The following DMD variants were observed in gnomAD, a reference collection of about 807,000 sequenced individuals.
DMD encodes the protein mutant dystrophin.
In DMD, 63 loss-of-function variants were observed where a neutral mutation model predicts 330.1. The observed-to-expected ratio is 0.19, with a 90% CI of 0.16 to 0.24. The LOEUF (loss-of-function observed/expected upper bound fraction) is 0.24. Ranked by LOEUF, DMD falls within the 10% of genes least tolerant of loss-of-function variation. The pLI is 1.00. For synonymous variants in DMD, 1,223 were observed against 959.8 expected, an observed-to-expected ratio of 1.27 and a Z score of -5.07; for missense variants, 3,344 against 2,684.1, an observed-to-expected ratio of 1.25 and a Z score of -5.43.
Position 32,451,569 on chromosome X carries a change from G to A in DMD, c.3604-2931C>T, listed in dbSNP as rs773303835. 5.5e-5 allele frequency among the ~76,000 whole-genome samples: 6 copies of A among 110,008 alleles called. No homozygotes were observed. In the East Asian group the frequency reaches 1.7e-3, roughly 32 times the overall value. On this transcript the variant is annotated intron_variant, in intron 26 of 78. Coordinates refer to ENST00000357033, the MANE Select transcript of DMD (RefSeq NM_004006.3). ...TATGTCAAAAAAACTTTCCTTTTCA[G>A]GGGAAAAATAAGTTATTAAAACAGC...
At chrX:32,835,216 C>T (rs187670708) in intron 4 of DMD, among the ~76,000 whole-genome samples, 1 of 111,943 alleles carries the variant, frequency 8.9e-6, no homozygotes, top group African/African-American at 3.2e-5. Flanking sequence ...ATGAAAGGCA[C>T]TACTTACAAA....
At chrX:33,330,552 G>C (rs750772488) in intron 1 of DMD, among the ~76,000 whole-genome samples, 19 of 111,511 alleles carry the variant, frequency 1.7e-4, no homozygotes, top group Non-Finnish European at 2.8e-4. Flanking sequence ...AAGTTTCCAG[G>C]GATAGACGTA....
At chrX:32,122,203 C>T (rs747170504) in intron 44 of DMD, among the ~76,000 whole-genome samples, 1 of 111,750 alleles carries the variant, frequency 8.9e-6, no homozygotes, top group South Asian at 3.7e-4. Flanking sequence ...TTTCCTATAG[C>T]GTAGCTAAAG....
At chrX:31,307,100 A>G (rs1229973854) in intron 62 of DMD, among the ~76,000 whole-genome samples, 5 of 111,243 alleles carry the variant, frequency 4.5e-5, no homozygotes, top group African/African-American at 1.6e-4. Context: ...TACACGTTCT[A>G]TTACACATCA....
chrX:32,599,935 G>C (rs755975096), intron 12 of DMD, among the ~76,000 whole-genome samples: 1 of 111,846 alleles, frequency 8.9e-6, no homozygotes, highest in South Asian at 3.7e-4. Flanking sequence ...CAAGAGAAAA[G>C]GCCAACAGTG....
intron 7 of DMD, among the ~76,000 whole-genome samples, chrX:32,716,024 A>T (rs1332407103): frequency 8.9e-6 from 1 of 111,875 alleles, no homozygotes; most frequent in Non-Finnish European, 1.9e-5. Context: ...TTATTTTCAA[A>T]TAATTTATCT....
intron 11 of DMD, among the ~76,000 whole-genome samples, chrX:32,617,616 GA>G (rs1256960596): frequency 9.0e-6 from 1 of 111,321 alleles, no homozygotes. Context: ...TCTATTAGTA[GA>G]AAACATAGAG....
At chrX:32,500,216 C>T (rs10522003) in intron 19 of DMD, among the ~76,000 whole-genome samples, 11,460 of 110,689 alleles carry the variant, frequency 0.1, 1,079 homozygotes, top group African/African-American at 0.29. Context: ...AAATTACCAA[C>T]GTTATTACCT....
intron 52 of DMD, among the ~76,000 whole-genome samples, chrX:31,706,548 T>A (rs1342325083): frequency 1.0e-5 from 1 of 96,836 alleles, no homozygotes; most frequent in Non-Finnish European, 2.0e-5. Flanking sequence ...ATCTCTGAGT[T>A]TATCAACATT....
At chrX:31,847,886 G>C (rs1603496652) in intron 48 of DMD, among the ~76,000 whole-genome samples, 1 of 111,769 alleles carries the variant, frequency 8.9e-6, no homozygotes, top group Non-Finnish European at 1.9e-5. Flanking sequence ...CTCCTACAAA[G>C]AAAGTTTTAT....
intron 15 of DMD, among the ~76,000 whole-genome samples, chrX:32,570,385 T>G (rs1238665342): frequency 1.0e-5 from 1 of 98,550 alleles, no homozygotes; most frequent in Admixed American, 1.1e-4. Flanking sequence ...ACAAGACCTA[T>G]AGAAAACATA....
At chrX:32,557,323 T>C (rs1386195273) in intron 16 of DMD, among the ~76,000 whole-genome samples, 1 of 111,986 alleles carries the variant, frequency 8.9e-6, no homozygotes, top group Non-Finnish European at 1.9e-5. Flanking sequence ...CACACACATA[T>C]ATAAATTCAG....
chrX:32,998,247 G>A (rs919781785), intron 2 of DMD, among the ~76,000 whole-genome samples: 1 of 107,295 alleles, frequency 9.3e-6, no homozygotes, highest in African/African-American at 3.4e-5. Flanking sequence ...GTGCATGCCT[G>A]TAGCTAAGCT....
intron 9 of DMD, among the ~76,000 whole-genome samples, chrX:32,673,378 C>T (rs2061754200): frequency 9.0e-6 from 1 of 111,048 alleles, no homozygotes; most frequent in Non-Finnish European, 1.9e-5. Context: ...CACCTACTGG[C>T]CTCTTTAAAC....
chrX:32,378,531 A>T (rs185593737), intron 34 of DMD, among the ~76,000 whole-genome samples: 1 of 110,854 alleles, frequency 9.0e-6, no homozygotes, highest in East Asian at 2.8e-4. Flanking sequence ...TTCATGAGTA[A>T]TTGACATTTT....
intron 44 of DMD, among the ~76,000 whole-genome samples, chrX:31,974,753 T>C (rs1490148896): frequency 9.0e-6 from 1 of 110,851 alleles, no homozygotes; most frequent in East Asian, 2.8e-4. Context: ...AAACTAGAAA[T>C]AGACTGTTTA....
chrX:32,000,393 A>C (rs1350050498), intron 44 of DMD, among the ~76,000 whole-genome samples: 1 of 112,289 alleles, frequency 8.9e-6, no homozygotes, highest in Non-Finnish European at 1.9e-5. Context: ...AATTTTGTTA[A>C]AATGTTCAAA....
chrX:31,298,877 T>C, intron 62 of DMD, among the ~76,000 whole-genome samples: 2 of 112,236 alleles, frequency 1.8e-5, no homozygotes, highest in Non-Finnish European at 3.8e-5. Flanking sequence ...TATGTAGACT[T>C]AGAGGTCTAG....
At chrX:32,422,499 G>A (rs1406112745) in intron 29 of DMD, among the ~76,000 whole-genome samples, 1 of 111,570 alleles carries the variant, frequency 9.0e-6, no homozygotes. Context: ...AATGCAATCA[G>A]TTGGGCTTAC....
Sources: allele counts gnomAD v4.1 joint callset (sites outside exome capture counted in the v4.1 genomes callset), GRCh38; gene constraint gnomAD v4.1.1; transcripts MANE v1.5; gene names NCBI Gene and HGNC (gene_info 2026-07-23, HGNC 2026-07-21).